ANKRD12: variants seen among roughly 807,000 people sequenced by gnomAD.
The protein encoded by ANKRD12 is ankyrin repeat domain-containing protein 12.
A neutral mutation model predicts 183.4 loss-of-function variants in ANKRD12; 85 were observed. The ratio of observed to expected loss-of-function variants is 0.46; its 90% CI spans 0.39 to 0.56. The LOEUF (loss-of-function observed/expected upper bound fraction) is 0.56. Among genes scored for constraint, ANKRD12 ranks in the 20% least tolerant of loss-of-function variants. ANKRD12 has a pLI of 0.00. For missense variants in ANKRD12, 2,405 were observed against 2,357.1 expected, an observed-to-expected ratio of 1.02 and a Z score of -0.42; for synonymous variants, 914 against 800.2, an observed-to-expected ratio of 1.14 and a Z score of -2.40.
At chr18:9,183,513 T>C (rs1489731921) in intron 2 of ANKRD12, among the ~76,000 whole-genome samples, 1 of 152,214 alleles carries the variant, frequency 6.6e-6, no homozygotes, top group Non-Finnish European at 1.5e-5. Flanking sequence ...ATGGATAATT[T>C]TATTTTGGGC....
chr18:9,146,423 C>CTG (rs2078495970), intron 1 of ANKRD12, among the ~76,000 whole-genome samples: 1 of 152,158 alleles, frequency 6.6e-6, no homozygotes, highest in African/African-American at 2.4e-5. Context: ...TGGCACACAC[C>CTG]TGCAATCCCA....
At chr18:9,260,855 T>G (rs5011606) in intron 9 of ANKRD12, among the ~76,000 whole-genome samples, 9,744 of 152,240 alleles carry the variant, frequency 0.064, 337 homozygotes, top group Non-Finnish European at 0.079. Context: ...CTCCTTGGCT[T>G]CTTTTTTGTA....
intron 12 of ANKRD12, 40 bp from the exon 13 acceptor site, chr18:9,280,901 T>G: frequency 6.3e-7 from 1 of 1,579,238 alleles, no homozygotes. Flanking sequence ...AAAGCAAAGT[T>G]AACAGAATAA....
chr18:9,236,334 A>G (rs908559953), intron 8 of ANKRD12, among the ~76,000 whole-genome samples: 4 of 152,222 alleles, frequency 2.6e-5, no homozygotes, highest in African/African-American at 4.8e-5. Context: ...TTGCCTAGAA[A>G]AGTGAGAGAA....
chr18:9,245,606 A>G (rs1186989604), intron 8 of ANKRD12, among the ~76,000 whole-genome samples: 1 of 152,260 alleles, frequency 6.6e-6, no homozygotes. Context: ...AATCAGGTAA[A>G]GAATAGACAA....
rs572222394 is a variant in ANKRD12 at position 9,244,545 on chromosome 18, T to C, written c.944-9666T>C. ...GACAGCAACAAGCAATTGACATACT[T>C]TAGAACAAAATTTCAGAGAACTTTG... On this transcript the variant is annotated intron_variant, in intron 8 of 12. Coordinates refer to ENST00000262126, the MANE Select transcript of ANKRD12 (RefSeq NM_015208.5). Among the ~76,000 whole-genome samples, 3 of 152,252 alleles carry C rather than the reference T, an allele frequency of 2.0e-5. No homozygotes were observed. In the South Asian group the frequency reaches 6.2e-4, roughly 32 times the overall value.
At chr18:9,167,578 A>G (rs1433747922) in intron 1 of ANKRD12, among the ~76,000 whole-genome samples, 2 of 152,110 alleles carry the variant, frequency 1.3e-5, no homozygotes, top group African/African-American at 4.8e-5. Context: ...GTATCCTGAG[A>G]CTTTGCTGAA....
intron 1 of ANKRD12, among the ~76,000 whole-genome samples, chr18:9,153,432 T>C (rs2029898759): frequency 6.6e-6 from 1 of 152,232 alleles, no homozygotes; most frequent in Non-Finnish European, 1.5e-5. Flanking sequence ...AAATCCTTTG[T>C]CTTTTTCAGT....
chr18:9,163,593 AATAGC>A, intron 1 of ANKRD12, among the ~76,000 whole-genome samples: 1 of 152,180 alleles, frequency 6.6e-6, no homozygotes, highest in South Asian at 2.1e-4. Flanking sequence ...GTTTAATGGG[AATAGC>A]ATTGAATCTA....
In ANKRD12 at chr18:9,255,665, C is replaced by T; in HGVS notation, c.2398C>T (p.His800Tyr). The change falls in exon 9 of 13, where the codon CAT becomes TAT. Residue 800 changes from histidine to tyrosine, a missense_variant. His to Tyr is a moderately conservative substitution (Grantham distance 83). Around this residue, in one of 7 missense-constraint regions of ANKRD12, gnomAD observed 1,983 missense variants for 1,725.9 expected, o/e 1.15. Coordinates refer to ENST00000262126, the MANE Select transcript of ANKRD12 (RefSeq NM_015208.5). ...MSAIEESIGLHLVEKEIDIEK... is the reference protein window; with the variant it reads ...MSAIEESIGLYLVEKEIDIEK... Reference sequence around the variant, plus strand: ...TGCCATTGAGGAATCTATAGGGCTTCATTTAGTGGAAAAGGAAATAGACAT... The same window carrying T: ...TGCCATTGAGGAATCTATAGGGCTTTATTTAGTGGAAAAGGAAATAGACAT... 1 of 1,588,066 alleles carries T rather than the reference C, an allele frequency of 6.3e-7. No homozygotes were observed. The highest frequency in any genetic ancestry group is 8.5e-7 in the Non-Finnish European group (1 of 1,173,212).
At chr18:9,176,141 GATA>G in intron 1 of ANKRD12, among the ~76,000 whole-genome samples, 1 of 152,312 alleles carries the variant, frequency 6.6e-6, no homozygotes, top group South Asian at 2.1e-4. Flanking sequence ...ACATTGCTAA[GATA>G]ATGACATTGA....
chr18:9,247,932 GC>G (rs1369886970), intron 8 of ANKRD12, among the ~76,000 whole-genome samples: 1 of 151,812 alleles, frequency 6.6e-6, no homozygotes, highest in Non-Finnish European at 1.5e-5. Flanking sequence ...GATTACAGGC[GC>G]CCCCCACCTC....
At chr18:9,172,039 A>AG (rs2032788130) in intron 1 of ANKRD12, among the ~76,000 whole-genome samples, 2 of 151,334 alleles carry the variant, frequency 1.3e-5, no homozygotes, top group South Asian at 2.1e-4. Flanking sequence ...AAAAAAAAAA[A>AG]ACGAATGTTG....
chr18:9,182,997 A>G (rs1399443736), intron 2 of ANKRD12, among the ~76,000 whole-genome samples: 1 of 151,988 alleles, frequency 6.6e-6, no homozygotes, highest in Non-Finnish European at 1.5e-5. Flanking sequence ...CCATTTTCTT[A>G]CGGAAAGATG....
chr18:9,194,427 G>C (rs1309552524), intron 2 of ANKRD12, among the ~76,000 whole-genome samples: 1 of 151,892 alleles, frequency 6.6e-6, no homozygotes, highest in Admixed American at 6.6e-5. Flanking sequence ...TATGATCTCA[G>C]CTCACTGAAG....
In ANKRD12 at chr18:9,256,277, A is replaced by C. The variant is rs1269361862; in HGVS notation, c.3010A>C (p.Thr1004Pro). The C allele has an allele frequency of 6.2e-7, 1 of 1,606,116 alleles. No homozygotes were observed. Among genetic ancestry groups the C allele is most frequent in the African/African-American group, 1.3e-5 (1 of 74,232 alleles). ...HEKPLSLKEKTKDEPLKTPDG... is the reference protein window; with the variant it reads ...HEKPLSLKEKPKDEPLKTPDG... ...AAAACCCTTATCCCTTAAAGAAAAA[A>C]CAAAAGATGAACCTTTGAAAACTCC... is the stretch of plus-strand genomic sequence containing the variant. The change falls in exon 9 of 13, where the codon ACA becomes CCA. Residue 1004 changes from threonine (T) to proline (P), a missense_variant. Coordinates refer to ENST00000262126, the MANE Select transcript of ANKRD12 (RefSeq NM_015208.5).
chr18:9,139,296 A>C (rs1254579132), intron 1 of ANKRD12, among the ~76,000 whole-genome samples: 1 of 152,228 alleles, frequency 6.6e-6, no homozygotes, highest in Non-Finnish European at 1.5e-5. Context: ...TGAGTTTAAA[A>C]GGAAGATGCT....
intron 3 of ANKRD12, among the ~76,000 whole-genome samples, chr18:9,201,979 C>T (rs1245829824): frequency 1.3e-5 from 2 of 151,900 alleles, no homozygotes; most frequent in African/African-American, 4.8e-5. Flanking sequence ...AGGCGTGTGC[C>T]ACCACACCCA....
At position 9,169,313 on chromosome 18, in the gene ANKRD12, G is replaced by C. The variant is rs571778838; in HGVS notation, c.-51-13069G>C. On this transcript the variant is annotated intron_variant, in intron 1 of 12. Coordinates refer to ENST00000262126, the MANE Select transcript of ANKRD12 (RefSeq NM_015208.5). ...TTGATCTGTCTAATGTTGAAAGTGG[G>C]GTGTTAAAGTCTCCCATTATTGTGT... is the stretch of plus-strand genomic sequence containing the variant. 4.9e-4 allele frequency among the ~76,000 whole-genome samples: 75 copies of C among 152,052 alleles called. 1 individual carries two copies. The highest frequency in any genetic ancestry group is 1.8e-4 in the Non-Finnish European group (12 of 68,012).
Sources: allele counts gnomAD v4.1 joint callset (sites outside exome capture counted in the v4.1 genomes callset), GRCh38; gene constraint gnomAD v4.1.1; regional missense constraint gnomAD v4.1.1; transcripts MANE v1.5; gene names NCBI Gene and HGNC (gene_info 2026-07-23, HGNC 2026-07-21).